The following COQ10B variants were observed in gnomAD, a reference collection of about 807,000 sequenced individuals.
The protein encoded by COQ10B is coenzyme Q10B.
COQ10B carries 12 observed loss-of-function variants against 27.6 expected under a neutral mutation model. That is an observed-to-expected ratio of 0.43 (90% CI 0.28 to 0.70). The LOEUF is 0.70. Among genes scored for constraint, COQ10B ranks in the 30% least tolerant of loss-of-function variants. The probability of loss-of-function intolerance (pLI) is 0.17; values close to 1 mark genes in which losing one functional copy is unlikely to be tolerated. For synonymous variants in COQ10B, 115 were observed against 103.0 expected (o/e 1.12, Z -0.71); for missense variants, 278 against 288.7 (o/e 0.96, Z 0.27).
In COQ10B at chr2:197,453,627, A is replaced by C. The variant is rs2085662736; in HGVS notation, c.67A>C (p.Thr23Pro). Reference sequence around the variant, plus strand: ...CTCGGGATGCCGTCCGAAGTCGGCGACAGCGGCCGGGGCGCAGGCGCCCGT... The same window carrying C: ...CTCGGGATGCCGTCCGAAGTCGGCGCCAGCGGCCGGGGCGCAGGCGCCCGT... ...VVSGCRPKSA[T>P]AAGAQAPVRN... is the part of the protein sequence containing the mutation. The change falls in exon 1 of 5, where the codon ACA becomes CCA. Residue 23 changes from threonine (T) to proline (P), a missense_variant. Around this residue, in one of 3 missense-constraint regions of COQ10B, gnomAD observed 183 missense variants for 158.2 expected, o/e 1.16. Coordinates refer to ENST00000263960, the MANE Select transcript of COQ10B (RefSeq NM_025147.5). The C allele has an allele frequency of 6.2e-7, 1 of 1,614,044 alleles. No homozygotes were observed.
At chr2:197,461,577 G>C (rs2106048748) in intron 2 of COQ10B, among the ~76,000 whole-genome samples, 2 of 151,570 alleles carry the variant, frequency 1.3e-5, no homozygotes, top group Admixed American at 1.3e-4. Flanking sequence ...GTGTGTGTGT[G>C]TGTGTGTGTG....
intron 1 of COQ10B, 70 bp from the exon 2 acceptor site, chr2:197,459,862 A>AGT: frequency 8.5e-7 from 1 of 1,178,504 alleles, no homozygotes; most frequent in Non-Finnish European, 1.2e-6. Flanking sequence ...ATTACTTTAT[A>AGT]GTTTCTATAA....
At chr2:197,458,179 C>T (rs994487205) in intron 1 of COQ10B, among the ~76,000 whole-genome samples, 6 of 149,942 alleles carry the variant, frequency 4.0e-5, no homozygotes, top group Non-Finnish European at 8.9e-5. Context: ...TGCAGTGGTG[C>T]GATCCACTCC....
At chr2:197,466,164 C>T (rs2085823290) in intron 3 of COQ10B, among the ~76,000 whole-genome samples, 1 of 152,168 alleles carries the variant, frequency 6.6e-6, no homozygotes, top group South Asian at 2.1e-4. Context: ...CACATTGACC[C>T]ATTTACTTCC....
chr2:197,468,045 GT>G (rs1371023964), intron 3 of COQ10B, among the ~76,000 whole-genome samples: 1 of 152,110 alleles, frequency 6.6e-6, no homozygotes, highest in African/African-American at 2.4e-5. Flanking sequence ...TAGAAATGAG[GT>G]CTTTGGCAAA....
At chr2:197,465,286 C>T (rs777787454) in intron 3 of COQ10B, among the ~76,000 whole-genome samples, 12 of 149,882 alleles carry the variant, frequency 8.0e-5, no homozygotes, top group East Asian at 1.9e-4. Context: ...TGTTCCCTGC[C>T]GCCTTTTTTT....
In COQ10B at chr2:197,461,642, AG is replaced by A. The variant is rs1332543621; in HGVS notation, c.255-896del. 1.1e-4 allele frequency among the ~76,000 whole-genome samples: 16 copies of A among 142,168 alleles called. 1 individual carries two copies. Among genetic ancestry groups the A allele is most frequent in the Admixed American group, 4.7e-4 (7 of 14,826 alleles). 93.3% of individuals were successfully genotyped at this position (142,168 alleles called of 152,430 possible). On this transcript the variant is annotated intron_variant, in intron 2 of 4. Transcript: ENST00000263960. ...TACAGGGTCTCAGAGAGAGAGAGAG[AG>A]AGAGAGAGAGAGAGAGAGAGAGGTG...
At chr2:197,457,535 T>G (rs896973883) in intron 1 of COQ10B, among the ~76,000 whole-genome samples, 1 of 152,162 alleles carries the variant, frequency 6.6e-6, no homozygotes, top group African/African-American at 2.4e-5. Context: ...TCATGAAGTG[T>G]TATTTATAGC....
In COQ10B at chr2:197,474,623, T is replaced by C. The variant is rs1479769677; in HGVS notation, c.*699T>C. On this transcript the variant is annotated 3_prime_UTR_variant, in exon 5 of 5. Transcript: ENST00000263960. ...ATCGCTTGAACCCGGGAGGCGGAGGTTGCAGTTAGCCAAGATCGCCCTGCT... is the reference window on the plus strand; with the variant it reads ...ATCGCTTGAACCCGGGAGGCGGAGGCTGCAGTTAGCCAAGATCGCCCTGCT... 6.6e-6 allele frequency: 1 copy of C among 152,166 alleles called. No homozygotes were observed. The highest frequency in any genetic ancestry group is 1.9e-4 in the East Asian group (1 of 5,286). The allele number at this position is 152,166 out of a possible 1,614,324, so 9.4% of individuals were successfully genotyped here.
At chr2:197,453,722 G>C in intron 1 of COQ10B, 58 bp downstream of exon 1, 1 of 1,427,280 alleles carries the variant, frequency 7.0e-7, no homozygotes, top group Non-Finnish European at 9.9e-7. Flanking sequence ...CTGCCGAGTT[G>C]GGGGACCGGA....
Position 197,473,791 on chromosome 2 carries a change from A to G in COQ10B, c.584A>G (p.Gln195Arg). The G allele has an allele frequency of 6.3e-7, 1 of 1,589,548 alleles. No homozygotes were observed. Among genetic ancestry groups the G allele is most frequent in the East Asian group, 2.3e-5 (1 of 44,334 alleles). Residue 195 changes from glutamine (Q) to arginine (R), a missense_variant, in exon 5 of 5, where the codon CAG (glutamine) becomes CGG (arginine). By Grantham distance (43) the Gln-to-Arg change is conservative. Coordinates refer to ENST00000263960, the MANE Select transcript of COQ10B (RefSeq NM_025147.5). Reference protein sequence around the residue: ...SFEFRSLLHSQLATLFFDEVV... With the variant: ...SFEFRSLLHSRLATLFFDEVV... ...GAATTTCGATCACTTCTACATTCCC[A>G]GCTTGCCACACTCTTTTTTGATGAA... is the stretch of plus-strand genomic sequence containing the variant.
At chr2:197,467,312 C>A (rs960305618) in intron 3 of COQ10B, among the ~76,000 whole-genome samples, 3 of 150,716 alleles carry the variant, frequency 2.0e-5, no homozygotes, top group Non-Finnish European at 4.4e-5. Context: ...GCTCTTGTTA[C>A]CCAGGTTCTG....
intron 1 of COQ10B, 97 bp downstream of exon 1, chr2:197,453,761 T>G: frequency 8.6e-7 from 1 of 1,156,416 alleles, no homozygotes; most frequent in Non-Finnish European, 1.3e-6. Context: ...AGAGCCGGAC[T>G]CGGTGCATTT....
intron 1 of COQ10B, among the ~76,000 whole-genome samples, chr2:197,455,671 TAAA>T: frequency 6.6e-6 from 1 of 151,168 alleles, no homozygotes; most frequent in African/African-American, 2.4e-5. Flanking sequence ...TCTCAAAAAA[TAAA>T]CAAGGCCGGA....
At chr2:197,458,610 T>C (rs2085724277) in intron 1 of COQ10B, among the ~76,000 whole-genome samples, 1 of 152,128 alleles carries the variant, frequency 6.6e-6, no homozygotes, top group South Asian at 2.1e-4. Flanking sequence ...TGAATTATCC[T>C]GGCCAGCAAT....
At position 197,473,773 on chromosome 2, in the gene COQ10B, G is replaced by A. The variant is rs745644906; in HGVS notation, c.566G>A (p.Arg189Gln). ...TTCCTACAGATTTCTTTTGAATTTC[G>A]ATCACTTCTACATTCCCAGCTTGCC... ...TLDFSISFEF[R>Q]SLLHSQLATL... Residue 189 changes from arginine (R) to glutamine (Q), a missense_variant, in exon 5 of 5, where the codon CGA (arginine) becomes CAA (glutamine). Physicochemically the swap from Arg to Gln is conservative, Grantham distance 43 (BLOSUM62 1). This residue lies in a region of COQ10B where 83 missense variants were observed against 104.5 expected (regional missense o/e 0.79). Transcript: ENST00000263960. 3.9e-5 allele frequency: 58 copies of A among 1,484,208 alleles called. No homozygotes were observed. The highest frequency in any genetic ancestry group is 4.9e-5 in the East Asian group (2 of 41,128). 91.9% of individuals were successfully genotyped at this position (1,484,208 alleles called of 1,614,324 possible). A position where few individuals can be genotyped will look rare whatever the true frequency, so the allele number is the denominator to read the frequency against.
rs954526545 is a variant in COQ10B, at chr2:197,453,594, A to G, written c.34A>G (p.Arg12Gly). 1 of 1,613,800 alleles carries G rather than the reference A, an allele frequency of 6.2e-7. No homozygotes were observed. Among genetic ancestry groups the G allele is most frequent in the African/African-American group, 1.3e-5 (1 of 74,884 alleles). Residue 12 changes from arginine (R) to glycine (G), a missense_variant, in exon 1 of 5, where the codon AGG (arginine) becomes GGG (glycine). Arg to Gly is a moderately radical substitution (Grantham distance 125). Transcript: ENST00000263960. ...AARTGHTALR[R>G]VVSGCRPKSA... ...TCGGACTGGTCATACGGCCTTGAGA[A>G]GGGTAGTCTCGGGATGCCGTCCGAA...
At chr2:197,469,609 C>G (rs976278881) in intron 3 of COQ10B, among the ~76,000 whole-genome samples, 1 of 152,168 alleles carries the variant, frequency 6.6e-6, no homozygotes, top group Non-Finnish European at 1.5e-5. Flanking sequence ...AATAAGAGAA[C>G]AGTCTTTGAG....
At chr2:197,473,549 G>A (rs1298487140) in intron 4 of COQ10B, among the ~76,000 whole-genome samples, 1 of 143,894 alleles carries the variant, frequency 6.9e-6, no homozygotes, top group Non-Finnish European at 1.5e-5. Context: ...AGCCACATGT[G>A]GTGGCATATG....
Sources: allele counts gnomAD v4.1 joint callset (sites outside exome capture counted in the v4.1 genomes callset), GRCh38; gene constraint gnomAD v4.1.1; regional missense constraint gnomAD v4.1.1; transcripts MANE v1.5; gene names NCBI Gene and HGNC (gene_info 2026-07-23, HGNC 2026-07-21).